Variants in IGSF3 observed in about 807,000 individuals in gnomAD.
IGSF3 encodes the protein glu-Trp-Ile EWI motif-containing protein 3.
In IGSF3, 23 loss-of-function variants were observed where a neutral mutation model predicts 114.4. That is an observed-to-expected ratio of 0.20 (90% CI 0.14 to 0.28). The LOEUF (loss-of-function observed/expected upper bound fraction) is 0.28, where lower values mean the gene tolerates loss of function less well. Among genes scored for constraint, IGSF3 ranks in the 10% least tolerant of loss-of-function variants. IGSF3 has a pLI of 1.00. For missense variants in IGSF3, 1,172 were observed against 1,591.5 expected (o/e 0.74, Z 4.48); for synonymous variants, 571 against 645.2 (o/e 0.88, Z 1.74).
At position 116,647,560 on chromosome 1, in the gene IGSF3, T is replaced by TA. The variant is rs1252172060; in HGVS notation, c.43+18723dup. Among the ~76,000 whole-genome samples, 3 of 152,250 alleles carry TA rather than the reference T, an allele frequency of 2.0e-5. No homozygotes were observed. Among genetic ancestry groups the TA allele is most frequent in the African/African-American group, 7.2e-5 (3 of 41,468 alleles). On this transcript the variant is annotated intron_variant, in intron 2 of 10. Coordinates refer to ENST00000369486, the MANE Select transcript of IGSF3 (RefSeq NM_001007237.3). This position sits in a 1 kb window ranked among gnomAD's most constrained non-coding sequence, Gnocchi z 4.6. The stretch of plus-strand genomic sequence containing the variant: ...TCCTCAGATGTTTCCATTTAACTCT[T>TA]AAAATCACCCTAATGAGTATTTCCT...
chr1:116,588,954 C>T lies in IGSF3; in HGVS notation c.2180G>A (p.Gly727Asp). The stretch of plus-strand genomic sequence containing the variant: ...GTGGGTGGTCTTCAGGATAAGCTTG[C>T]CATCGGCATCCGAGGGCTTGTGGAC... ...WYVHKPSDADGKLILKTTHNS... is the reference protein window; with the variant it reads ...WYVHKPSDADDKLILKTTHNS... The change falls in exon 8 of 11, where the codon GGC becomes GAC. Residue 727 changes from glycine to aspartate, a missense_variant. Transcript: ENST00000369486. This position sits in a 1 kb window ranked among gnomAD's most constrained non-coding sequence, Gnocchi z 4.9. The T allele has an allele frequency of 6.2e-7, 1 of 1,614,198 alleles. No homozygotes were observed. The highest frequency in any genetic ancestry group is 8.5e-7 in the Non-Finnish European group (1 of 1,180,040).
rs756646843 is a variant in IGSF3, at chr1:116,616,127, G to A, written c.374C>T (p.Thr125Ile). 6.8e-6 allele frequency: 11 copies of A among 1,613,476 alleles called. 2 individuals are homozygous for A. In the South Asian group the frequency reaches 1.1e-4, roughly 16 times the overall value. Residue 125 changes from threonine to isoleucine, a missense_variant, in exon 3 of 11, where the codon ACT (threonine) becomes ATT (isoleucine). Transcript: ENST00000369486. The surrounding 1 kb of genome is among the most constrained non-coding windows in gnomAD (Gnocchi z 6.6). Reference protein sequence around the residue: ...AGEYECHTPSTDKQYFGSYSA... With the variant: ...AGEYECHTPSIDKQYFGSYSA... ...GTAACTCCCAAAGTATTGCTTATCAGTGCTGGGTGTGTGGCATTCATACTC... is the reference window on the plus strand; with the variant it reads ...GTAACTCCCAAAGTATTGCTTATCAATGCTGGGTGTGTGGCATTCATACTC...
intron 8 of IGSF3, among the ~76,000 whole-genome samples, chr1:116,587,360 G>A (rs573624636): frequency 1.2e-4 from 19 of 152,132 alleles, no homozygotes; most frequent in Non-Finnish European, 1.9e-4. Context: ...TGAAAGGGCC[G>A]GGGAAAGGAA....
rs1401290712 is a variant in IGSF3, at chr1:116,633,687, C to T, written c.44-17230G>A. ...TGTCTTCTCCCTTCCTTCTTGTCTA[C>T]TAAACTCTCTGTGCCTTAGAACCAA... On this transcript the variant is annotated intron_variant, in intron 2 of 10. Coordinates refer to ENST00000369486, the MANE Select transcript of IGSF3 (RefSeq NM_001007237.3). The surrounding 1 kb of genome is among the most constrained non-coding windows in gnomAD (Gnocchi z 4.3). 6.6e-6 allele frequency among the ~76,000 whole-genome samples: 1 copy of T among 152,138 alleles called. No homozygotes were observed. The highest frequency in any genetic ancestry group is 1.5e-5 in the Non-Finnish European group (1 of 68,028).
rs1334279383 is a variant in IGSF3 at position 116,593,752 on chromosome 1, T to C, written c.2030-4648A>G. 6.6e-6 allele frequency among the ~76,000 whole-genome samples: 1 copy of C among 152,192 alleles called. No homozygotes were observed. Among genetic ancestry groups the C allele is most frequent in the Non-Finnish European group, 1.5e-5 (1 of 68,034 alleles). ...ATTTCCCTAAATGGCAAATGGGGCA[T>C]GCTACTGCCCACGGCTGCCCACCCC... On this transcript the variant is annotated intron_variant, in intron 7 of 10. Transcript: ENST00000369486. This position sits in a 1 kb window ranked among gnomAD's most constrained non-coding sequence, Gnocchi z 4.5.
rs1050023130 is a variant in IGSF3, at chr1:116,666,590, G to T, written c.-264C>A. Reference sequence around the variant, plus strand: ...AGTCGCTCCCGGCTCCTGCCACATCGTGTGCCTTGCAGTTTCCACTGAAAT... The same window carrying T: ...AGTCGCTCCCGGCTCCTGCCACATCTTGTGCCTTGCAGTTTCCACTGAAAT... On this transcript the variant is annotated 5_prime_UTR_variant, in exon 2 of 11. Coordinates refer to ENST00000369486, the MANE Select transcript of IGSF3 (RefSeq NM_001007237.3). The T allele has an allele frequency of 1.7e-6, 1 of 598,582 alleles. No individual in the cohort carries two copies. The highest frequency in any genetic ancestry group is 1.9e-5 in the African/African-American group (1 of 53,938). 37.1% of individuals were successfully genotyped at this position (598,582 alleles called of 1,614,324 possible).
At position 116,607,880 on chromosome 1, in the gene IGSF3, C is replaced by G; in HGVS notation, c.1222+62G>C. ...ACCTTCACCACGCTATTCTCTCTCC[C>G]CCTACCTCTCCTAAATGATGCTGAG... On this transcript the variant is annotated intron_variant, in intron 5 of 10. Transcript: ENST00000369486. The surrounding 1 kb of genome is among the most constrained non-coding windows in gnomAD (Gnocchi z 6.1). 6.6e-7 allele frequency: 1 copy of G among 1,518,310 alleles called. No homozygotes were observed. The allele number at this position is 1,518,310 out of a possible 1,614,324, so 94.1% of individuals were successfully genotyped here.
rs61786560 is a variant in IGSF3, at chr1:116,594,486, A to T, written c.2030-5382T>A. ...ATTCTCATTTATTTAGCAAACTTTC[A>T]TCTGGTCCTATGTGCTCAGCACTAT... On this transcript the variant is annotated intron_variant, in intron 7 of 10. Transcript: ENST00000369486. This position sits in a 1 kb window ranked among gnomAD's most constrained non-coding sequence, Gnocchi z 5.2. 2.6e-5 allele frequency among the ~76,000 whole-genome samples: 4 copies of T among 152,222 alleles called. No individual in the cohort carries two copies. The highest frequency in any genetic ancestry group is 4.4e-5 in the Non-Finnish European group (3 of 68,034).
rs1482120171 is a variant in IGSF3, at chr1:116,612,644, C to T, written c.832+1121G>A. 6.6e-6 allele frequency among the ~76,000 whole-genome samples: 1 copy of T among 152,226 alleles called. No homozygotes were observed. The highest frequency in any genetic ancestry group is 2.4e-5 in the African/African-American group (1 of 41,438). On this transcript the variant is annotated intron_variant, in intron 4 of 10. Coordinates refer to ENST00000369486, the MANE Select transcript of IGSF3 (RefSeq NM_001007237.3). This position sits in a 1 kb window ranked among gnomAD's most constrained non-coding sequence, Gnocchi z 4.1. ...CAAGAGACAGGTCCTGACGAAGGAC[C>T]CCACCTGTACTGCAACTCACCAGGT...
In IGSF3 at chr1:116,616,629, T is replaced by G. The variant is rs1661229181; in HGVS notation, c.44-172A>C. On this transcript the variant is annotated intron_variant, in intron 2 of 10. Coordinates refer to ENST00000369486, the MANE Select transcript of IGSF3 (RefSeq NM_001007237.3). This position sits in a 1 kb window ranked among gnomAD's most constrained non-coding sequence, Gnocchi z 6.6. ...TTTATAAATATTAATTAAAACACTC[T>G]GTGGTAAAGCACTGTCCCTAATTTG... Among the ~76,000 whole-genome samples, 1 of 152,244 alleles carries G rather than the reference T, an allele frequency of 6.6e-6. No homozygotes were observed. Among genetic ancestry groups the G allele is most frequent in the Non-Finnish European group, 1.5e-5 (1 of 68,042 alleles).
At chr1:116,609,689 G>GCT (rs534263808) in intron 4 of IGSF3, among the ~76,000 whole-genome samples, 9 of 152,008 alleles carry the variant, frequency 5.9e-5, no homozygotes, top group Non-Finnish European at 1.2e-4. Context: ...AGATTCATTA[G>GCT]CTCTGACCTT....
At position 116,607,724 on chromosome 1, in the gene IGSF3, A is replaced by G. The variant is rs371785900; in HGVS notation, c.1222+218T>C. Among the ~76,000 whole-genome samples, 1 of 152,040 alleles carries G rather than the reference A, an allele frequency of 6.6e-6. No homozygotes were observed. Among genetic ancestry groups the G allele is most frequent in the South Asian group, 2.1e-4 (1 of 4,818 alleles). On this transcript the variant is annotated intron_variant, in intron 5 of 10. Transcript: ENST00000369486. This position sits in a 1 kb window ranked among gnomAD's most constrained non-coding sequence, Gnocchi z 6.1. ...GCCCTAGACTGCCCTGATTCTGGAC[A>G]CCCCTGATCCTGATCCTCTGCTATG... is the stretch of plus-strand genomic sequence containing the variant.
chr1:116,606,318 T>G (rs1180192419), intron 5 of IGSF3, among the ~76,000 whole-genome samples: 1 of 152,270 alleles, frequency 6.6e-6, no homozygotes, highest in Non-Finnish European at 1.5e-5. Flanking sequence ...CTCTGATTTC[T>G]TCATTCATTA....
At position 116,651,114 on chromosome 1, in the gene IGSF3, A is replaced by T. The variant is rs1463880130; in HGVS notation, c.43+15170T>A. On this transcript the variant is annotated intron_variant, in intron 2 of 10. Coordinates refer to ENST00000369486, the MANE Select transcript of IGSF3 (RefSeq NM_001007237.3). The surrounding 1 kb of genome is among the most constrained non-coding windows in gnomAD (Gnocchi z 4.4). ...CAATAAGGAACGCCCATGCCTAGCCATAACTGAGCACATCACAGACTCACA... is the reference window on the plus strand; with the variant it reads ...CAATAAGGAACGCCCATGCCTAGCCTTAACTGAGCACATCACAGACTCACA... 3.3e-5 allele frequency among the ~76,000 whole-genome samples: 5 copies of T among 152,394 alleles called. No homozygotes were observed. In the East Asian group the frequency reaches 9.6e-4, roughly 29 times the overall value.
chr1:116,621,110 A>T (rs1661402532), intron 2 of IGSF3, among the ~76,000 whole-genome samples: 1 of 151,986 alleles, frequency 6.6e-6, no homozygotes, highest in South Asian at 2.1e-4. Flanking sequence ...CTAATTGTTT[A>T]AAAGTGTGTG....
At chr1:116,641,526 G>GAAAGA (rs1313842741) in intron 2 of IGSF3, among the ~76,000 whole-genome samples, 7 of 128,556 alleles carry the variant, frequency 5.4e-5, no homozygotes, top group African/African-American at 1.2e-4. Context: ...AAAAGAAGAA[G>GAAAGA]AAAGAAAAGA....
At chr1:116,581,233 G>A (rs757975726) in intron 9 of IGSF3, among the ~76,000 whole-genome samples, 8 of 152,002 alleles carry the variant, frequency 5.3e-5, no homozygotes, top group African/African-American at 1.9e-4. Context: ...CTGCTTAGGC[G>A]GGAGACACAG....
chr1:116,657,649 G>A lies in IGSF3; in HGVS notation c.43+8635C>T, dbSNP rs1260212651. Among the ~76,000 whole-genome samples the A allele has an allele frequency of 6.6e-6, 1 of 152,140 alleles. No individual in the cohort carries two copies. Among genetic ancestry groups the A allele is most frequent in the Non-Finnish European group, 1.5e-5 (1 of 68,026 alleles). Reference sequence around the variant, plus strand: ...CTGGGGGAAGGAGAGTTAATAAAATGGGTCCTTGAGAAGTGAAGTGGGAAG... The same window carrying A: ...CTGGGGGAAGGAGAGTTAATAAAATAGGTCCTTGAGAAGTGAAGTGGGAAG... On this transcript the variant is annotated intron_variant, in intron 2 of 10. Transcript: ENST00000369486. The surrounding 1 kb of genome is among the most constrained non-coding windows in gnomAD (Gnocchi z 4.2).
At chr1:116,630,916 T>C (rs1647544818) in intron 2 of IGSF3, among the ~76,000 whole-genome samples, 1 of 152,124 alleles carries the variant, frequency 6.6e-6, no homozygotes, top group South Asian at 2.1e-4. Context: ...TCCAGAGTAC[T>C]GCAGCAGTTT....
Sources: gnomAD v4.1 joint callset for allele counts (sites outside exome capture counted in the v4.1 genomes callset) on GRCh38, gnomAD v4.1.1 for gene constraint, Gnocchi (gnomAD v3.1) non-coding constraint, MANE v1.5 for transcripts, NCBI Gene and HGNC (gene_info 2026-07-23, HGNC 2026-07-21) for gene names.